MINDY4: variants seen among roughly 807,000 people sequenced by gnomAD.
The protein encoded by MINDY4 is MINDY lysine 48 deubiquitinase 4.
A neutral mutation model predicts 87.0 loss-of-function variants in MINDY4; 68 were observed. The ratio of observed to expected loss-of-function variants is 0.78; its 90% CI spans 0.64 to 0.96. The LOEUF is 0.96. MINDY4 is among the 40% of genes least tolerant of loss of function. The pLI, the probability that MINDY4 is intolerant of heterozygous loss-of-function variation, is 0.00. For missense variants in MINDY4, 919 were observed against 928.2 expected, an observed-to-expected ratio of 0.99 and a Z score of 0.13; for synonymous variants, 379 against 363.2, an observed-to-expected ratio of 1.04 and a Z score of -0.50.
chr7:30,884,010 C>T (rs541455289), intron 17 of MINDY4, among the ~76,000 whole-genome samples: 1 of 152,086 alleles, frequency 6.6e-6, no homozygotes. Context: ...TTTGTGCTCA[C>T]GATGATGACC....
chr7:30,775,572 G>A (rs1786785885), intron 1 of MINDY4, among the ~76,000 whole-genome samples: 1 of 152,204 alleles, frequency 6.6e-6, no homozygotes, highest in African/African-American at 2.4e-5. Context: ...ATTGACCATT[G>A]GTGGTTAGCT....
chr7:30,781,695 G>A (rs1213974578), intron 2 of MINDY4: 3 of 331,708 alleles, frequency 9.0e-6, no homozygotes, highest in South Asian at 6.6e-5. Flanking sequence ...GCTTAGGCAT[G>A]CCTCTATTCC....
At chr7:30,867,031 AT>A (rs1562560130) in intron 13 of MINDY4, among the ~76,000 whole-genome samples, 3 of 152,186 alleles carry the variant, frequency 2.0e-5, no homozygotes, top group African/African-American at 7.2e-5. Flanking sequence ...AAGACCTGAT[AT>A]GGTCTAGTCC....
At chr7:30,781,869 T>C (rs1396984160) in intron 2 of MINDY4, 108 bp from the exon 3 acceptor site, 3 of 720,020 alleles carry the variant, frequency 4.2e-6, no homozygotes. Flanking sequence ...CTTGTATGAA[T>C]GAGTGAGAAG....
chr7:30,806,970 G>A (rs1421167957), intron 5 of MINDY4, among the ~76,000 whole-genome samples: 1 of 152,238 alleles, frequency 6.6e-6, no homozygotes, highest in African/African-American at 2.4e-5. Context: ...TGCATGGAAA[G>A]TCTAAGAGAG....
chr7:30,846,266 A>G (rs1019000109), intron 9 of MINDY4, among the ~76,000 whole-genome samples: 1 of 152,186 alleles, frequency 6.6e-6, no homozygotes, highest in Non-Finnish European at 1.5e-5. Flanking sequence ...GACTCTGTAC[A>G]TGGCTCCATG....
chr7:30,887,767 G>T (rs1790676725), intron 17 of MINDY4, among the ~76,000 whole-genome samples: 1 of 152,230 alleles, frequency 6.6e-6, no homozygotes, highest in Admixed American at 6.5e-5. Context: ...AGCCTGGCCT[G>T]GGTGCTGACG....
intron 5 of MINDY4, among the ~76,000 whole-genome samples, chr7:30,797,960 A>C (rs1027291471): frequency 1.3e-5 from 2 of 152,190 alleles, no homozygotes; most frequent in African/African-American, 4.8e-5. Context: ...TCAGAAGCGC[A>C]TCCACATCTG....
intron 17 of MINDY4, 61 bp downstream of exon 17, chr7:30,883,054 TG>T (rs1248691335): frequency 1.9e-6 from 3 of 1,553,578 alleles, no homozygotes; most frequent in Non-Finnish European, 1.8e-6. Flanking sequence ...GAGCCATGGT[TG>T]GGGGTGGTCA....
intron 13 of MINDY4, among the ~76,000 whole-genome samples, chr7:30,870,003 A>G (rs994075636): frequency 1.3e-5 from 2 of 152,154 alleles, no homozygotes; most frequent in African/African-American, 2.4e-5. Context: ...AGATTTGCCA[A>G]AGTTATAAAT....
intron 8 of MINDY4, 76 bp downstream of exon 8, chr7:30,839,392 T>C: frequency 1.2e-6 from 1 of 863,464 alleles, no homozygotes; most frequent in Middle Eastern, 2.3e-4. Context: ...CTCCCAGTTT[T>C]GGTTAATCCT....
intron 2 of MINDY4, chr7:30,781,548 AC>A: frequency 6.0e-6 from 1 of 165,626 alleles, no homozygotes; most frequent in Non-Finnish European, 1.3e-5. Context: ...TGCAGAGCTT[AC>A]AAGCTAAAAA....
At chr7:30,806,852 G>A (rs568978589) in intron 5 of MINDY4, among the ~76,000 whole-genome samples, 93 of 152,214 alleles carry the variant, frequency 6.1e-4, no homozygotes, top group Non-Finnish European at 1.2e-3. Flanking sequence ...CTGGACAATG[G>A]GCTGGCACAA....
At position 30,807,328 on chromosome 7, in the gene MINDY4, A is replaced by G. The variant is rs529634417; in HGVS notation, c.1073+15754A>G. Among the ~76,000 whole-genome samples the G allele has an allele frequency of 8.5e-5, 13 of 152,268 alleles. 1 individual carries two copies. In the East Asian group the frequency reaches 2.5e-3, roughly 29 times the overall value. On this transcript the variant is annotated intron_variant, in intron 5 of 17. Coordinates refer to ENST00000265299, the MANE Select transcript of MINDY4 (RefSeq NM_032222.3). ...ACCCCTGGATCTGCCAAAGAAACCC[A>G]TCCACACACAGAATTCTCACACCCA...
At chr7:30,877,680 CTTCTT>C (rs1321637793) in intron 15 of MINDY4, among the ~76,000 whole-genome samples, 8 of 122,826 alleles carry the variant, frequency 6.5e-5, no homozygotes, top group African/African-American at 3.2e-4. Flanking sequence ...TCTTCTTCTT[CTTCTT>C]TTTTTTTTTT....
At chr7:30,791,612 G>C in intron 5 of MINDY4, 38 bp downstream of exon 5, 1 of 1,555,806 alleles carries the variant, frequency 6.4e-7, no homozygotes, top group Non-Finnish European at 8.7e-7. Context: ...TTTTCAAAAA[G>C]AAGCTCCACC....
At chr7:30,775,052 C>A (rs532109396) in intron 1 of MINDY4, among the ~76,000 whole-genome samples, 2 of 152,256 alleles carry the variant, frequency 1.3e-5, no homozygotes, top group South Asian at 4.2e-4. Flanking sequence ...GATAGTGTTT[C>A]TGCTCACACT....
At chr7:30,857,630 G>A (rs1191917085) in intron 12 of MINDY4, 1 of 106,708 alleles carries the variant, frequency 9.4e-6, no homozygotes, top group Non-Finnish European at 1.7e-5. Flanking sequence ...CCGCTACCAC[G>A]CCCGGCTAAT....
At chr7:30,812,338 A>G (rs1375806890) in intron 5 of MINDY4, among the ~76,000 whole-genome samples, 1 of 152,118 alleles carries the variant, frequency 6.6e-6, no homozygotes, top group Admixed American at 6.5e-5. Context: ...ACAATTTGTC[A>G]CTATAAGTGA....
Sources: allele counts gnomAD v4.1 joint callset (sites outside exome capture counted in the v4.1 genomes callset), GRCh38; gene constraint gnomAD v4.1.1; transcripts MANE v1.5; gene names NCBI Gene and HGNC (gene_info 2026-07-23, HGNC 2026-07-21).